FOXP4: variants seen among roughly 807,000 people sequenced by gnomAD.
FOXP4 encodes forkhead box protein P4.
In FOXP4, 25 loss-of-function variants were observed where a neutral mutation model predicts 82.6. The ratio of observed to expected loss-of-function variants is 0.30; its 90% CI spans 0.22 to 0.42. FOXP4 has a LOEUF of 0.42. FOXP4 is among the 10% of genes least tolerant of loss of function. The pLI is 1.00. For missense variants in FOXP4, 785 were observed against 900.9 expected (o/e 0.87, Z 1.65); for synonymous variants, 415 against 388.2 (o/e 1.07, Z -0.81).
chr6:41,561,217 C>G (rs1226325263), intron 1 of FOXP4, among the ~76,000 whole-genome samples: 1 of 152,234 alleles, frequency 6.6e-6, no homozygotes, highest in African/African-American at 2.4e-5. Flanking sequence ...CTGGCTCCCC[C>G]ACGGGGAATG....
At chr6:41,566,652 T>C (rs1332174063) in intron 2 of FOXP4, among the ~76,000 whole-genome samples, 1 of 151,946 alleles carries the variant, frequency 6.6e-6, no homozygotes, top group Non-Finnish European at 1.5e-5. Flanking sequence ...AGAGCAGGGG[T>C]CTCATGTCCT....
At chr6:41,598,075 G>A in intron 16 of FOXP4, 125 bp downstream of exon 16, 1 of 767,326 alleles carries the variant, frequency 1.3e-6, no homozygotes, top group Non-Finnish European at 2.0e-6. Context: ...CAGGACAAGT[G>A]GCTTCTCTCT....
intron 2 of FOXP4, chr6:41,570,079 G>GACACACAC (rs35549847): frequency 0.016 from 1,960 of 123,938 alleles, 65 homozygotes; most frequent in East Asian, 0.049. Context: ...ACCACCCCCT[G>GACACACAC]ACACACACAC....
Position 41,579,526 on chromosome 6 carries a change from A to T in FOXP4, c.300+1445A>T, listed in dbSNP as rs115839158. 1.9e-3 allele frequency among the ~76,000 whole-genome samples: 289 copies of T among 152,304 alleles called. 2 individuals are homozygous for T. Among genetic ancestry groups the T allele is most frequent in the African/African-American group, 6.2e-3 (256 of 41,566 alleles). On this transcript the variant is annotated intron_variant, in intron 3 of 16. Coordinates refer to ENST00000307972, the MANE Select transcript of FOXP4 (RefSeq NM_001012426.2). ...AGAAAGGGGCTGCTGACCCAGGGGT[A>T]GGAGGGTAGGAGCTTGATGGTAGTG... is the stretch of plus-strand genomic sequence containing the variant.
At position 41,567,564 on chromosome 6, in the gene FOXP4, G is replaced by A. The variant is rs1377614438; in HGVS notation, c.204+1600G>A. ...CAAGGCCACCCATTTTATATGGCCA[G>A]CTCTTCCATCTCTGTGACTGTGCAG... On this transcript the variant is annotated intron_variant, in intron 2 of 16. Coordinates refer to ENST00000307972, the MANE Select transcript of FOXP4 (RefSeq NM_001012426.2). 2.6e-5 allele frequency among the ~76,000 whole-genome samples: 4 copies of A among 152,204 alleles called. No individual in the cohort carries two copies. The East Asian group carries it at 7.7e-4, about 29-fold the overall frequency.
In FOXP4 at chr6:41,585,459, AGCAGCTCCACCT is replaced by A; in HGVS notation, c.461_472del (p.His154_Leu157del). 6.2e-7 allele frequency: 1 copy of A among 1,613,916 alleles called. No individual in the cohort carries two copies. The highest frequency in any genetic ancestry group is 8.5e-7 in the Non-Finnish European group (1 of 1,179,904). On this transcript the variant is annotated inframe_deletion, in exon 5 of 17. Coordinates refer to ENST00000307972, the MANE Select transcript of FOXP4 (RefSeq NM_001012426.2). ...CAGGAGTACTACAAGAAGCAGCAGG[AGCAGCTCCACCT>A]GCAGCTCCTCACCCAGCAGCAGGCT...
At chr6:41,579,082 T>C (rs1210830750) in intron 3 of FOXP4, among the ~76,000 whole-genome samples, 1 of 151,930 alleles carries the variant, frequency 6.6e-6, no homozygotes, top group Non-Finnish European at 1.5e-5. Flanking sequence ...GGGTGGAGAT[T>C]CCAGTGCTCT....
rs1166907469 is a variant in FOXP4, at chr6:41,602,198, G to C, written c.*3262G>C. ...CCCCATGGTACCTCGAGAGGGGCTG[G>C]GGAGCTCAGCTTGGTCTCAGAGTCT... On this transcript the variant is annotated 3_prime_UTR_variant, in exon 17 of 17. Coordinates refer to ENST00000307972, the MANE Select transcript of FOXP4 (RefSeq NM_001012426.2). 2 of 152,126 alleles carry C rather than the reference G, an allele frequency of 1.3e-5. No individual in the cohort carries two copies. Among genetic ancestry groups the C allele is most frequent in the African/African-American group, 4.8e-5 (2 of 41,414 alleles). 9.4% of individuals were successfully genotyped at this position (152,126 alleles called of 1,614,324 possible).
intron 3 of FOXP4, among the ~76,000 whole-genome samples, chr6:41,580,538 A>G (rs1765740216): frequency 6.6e-6 from 1 of 152,236 alleles, no homozygotes; most frequent in African/African-American, 2.4e-5. Context: ...ATGCTTCCCC[A>G]GGAGCCTGGA....
chr6:41,599,211 T>A lies in FOXP4; in HGVS notation c.*275T>A, dbSNP rs1241890376. On this transcript the variant is annotated 3_prime_UTR_variant, in exon 17 of 17. Coordinates refer to ENST00000307972, the MANE Select transcript of FOXP4 (RefSeq NM_001012426.2). ...GACCCTCCCCACATCTGAAACTGCCTCCCCCCAACCACCAGCAGCAGCAGG... is the reference window on the plus strand; with the variant it reads ...GACCCTCCCCACATCTGAAACTGCCACCCCCCAACCACCAGCAGCAGCAGG... The A allele has an allele frequency of 1.0e-5, 3 of 291,092 alleles. No individual in the cohort carries two copies. The East Asian group carries it at 1.8e-4, about 17-fold the overall frequency. The allele number at this position is 291,092 out of a possible 1,614,324, so 18.0% of individuals were successfully genotyped here. A position where few individuals can be genotyped will look rare whatever the true frequency, so the allele number is the denominator to read the frequency against.
intron 14 of FOXP4, among the ~76,000 whole-genome samples, chr6:41,596,702 A>G (rs532538655): frequency 9.2e-5 from 14 of 152,284 alleles, no homozygotes; most frequent in East Asian, 3.9e-4. Context: ...GCTTCCATAC[A>G]GAAGCCTCCA....
chr6:41,565,166 G>A (rs58853189), intron 1 of FOXP4, among the ~76,000 whole-genome samples: 25,344 of 151,816 alleles, frequency 0.17, 2,481 homozygotes, highest in African/African-American at 0.27. Context: ...CAGCCTGGCC[G>A]ACATGGTGAA....
In FOXP4 at chr6:41,587,599, G is replaced by C; in HGVS notation, c.872+87G>C. ...ACCCATGAGGGCTGACTGTGAGGGAGGGGGTGGAGCCCACGGACCGGAGGT... is the reference window on the plus strand; with the variant it reads ...ACCCATGAGGGCTGACTGTGAGGGACGGGGTGGAGCCCACGGACCGGAGGT... On this transcript the variant is annotated intron_variant, in intron 7 of 16. Transcript: ENST00000307972. 2.5e-6 allele frequency: 3 copies of C among 1,197,840 alleles called. No homozygotes were observed. The South Asian group carries it at 4.4e-5, about 18-fold the overall frequency. The allele number at this position is 1,197,840 out of a possible 1,614,324, so 74.2% of individuals were successfully genotyped here.
At chr6:41,553,119 AG>A (rs1424888988) in intron 1 of FOXP4, among the ~76,000 whole-genome samples, 1 of 152,146 alleles carries the variant, frequency 6.6e-6, no homozygotes, top group Non-Finnish European at 1.5e-5. Flanking sequence ...CCTTCTTGAA[AG>A]GGGTGCTGTG....
chr6:41,598,731 G>A (rs1455405754), intron 16 of FOXP4, 58 bp from the exon 17 acceptor site: 1 of 1,547,262 alleles, frequency 6.5e-7, no homozygotes, highest in South Asian at 1.2e-5. Context: ...TTGGGGGGCA[G>A]GGGGCAGAGG....
chr6:41,548,824 CT>C (rs11326650), intron 1 of FOXP4, among the ~76,000 whole-genome samples: 54,648 of 104,714 alleles, frequency 0.52, 13,509 homozygotes, highest in Middle Eastern at 0.61. Flanking sequence ...GTCTGAAGGC[CT>C]TTTTTTTTTT....
intron 1 of FOXP4, among the ~76,000 whole-genome samples, chr6:41,554,676 A>G (rs1764178150): frequency 6.6e-6 from 1 of 151,972 alleles, no homozygotes; most frequent in Admixed American, 6.6e-5. Flanking sequence ...CCTGGCCAAC[A>G]TGGCGAAACC....
At chr6:41,559,049 G>A (rs935020288) in intron 1 of FOXP4, among the ~76,000 whole-genome samples, 11 of 152,266 alleles carry the variant, frequency 7.2e-5, no homozygotes, top group Admixed American at 3.3e-4. Context: ...CTTTGCGTAT[G>A]TTCTTTGCCC....
At chr6:41,577,356 T>C (rs966152869) in intron 2 of FOXP4, among the ~76,000 whole-genome samples, 5 of 152,192 alleles carry the variant, frequency 3.3e-5, no homozygotes, top group African/African-American at 1.2e-4. Flanking sequence ...CCCAGGGCTC[T>C]TCCCTCATCC....
Sources: allele counts gnomAD v4.1 joint callset (sites outside exome capture counted in the v4.1 genomes callset), GRCh38; gene constraint gnomAD v4.1.1; transcripts MANE v1.5; gene names NCBI Gene and HGNC (gene_info 2026-07-23, HGNC 2026-07-21).